CSMD3: variants seen among roughly 807,000 people sequenced by gnomAD.
The protein encoded by CSMD3 is CUB and sushi domain-containing protein 3.
Under a neutral mutation model 435.2 loss-of-function variants are expected in CSMD3, and 177 were observed. The ratio of observed to expected loss-of-function variants is 0.41; its 90% CI spans 0.36 to 0.46. The LOEUF is 0.46. Among genes scored for constraint, CSMD3 ranks in the 20% least tolerant of loss-of-function variants. The pLI is 0.34. For missense variants in CSMD3, 4,265 were observed against 4,504.6 expected (o/e 0.95, Z 1.52); for synonymous variants, 1,656 against 1,520.5 (o/e 1.09, Z -2.07).
At chr8:112,611,136 GCT>G (rs1833224334) in intron 22 of CSMD3, among the ~76,000 whole-genome samples, 1 of 152,144 alleles carries the variant, frequency 6.6e-6, no homozygotes, top group African/African-American at 2.4e-5. Context: ...ACAAATTTTA[GCT>G]CAAGTGTTTG....
At chr8:113,288,287 C>T (rs1006650576) in intron 2 of CSMD3, among the ~76,000 whole-genome samples, 4 of 151,612 alleles carry the variant, frequency 2.6e-5, no homozygotes, top group Non-Finnish European at 5.9e-5. Context: ...TTTCTTCCTG[C>T]AAAAATGGAT....
chr8:112,453,246 G>T (rs1238361916), intron 32 of CSMD3, among the ~76,000 whole-genome samples: 1 of 152,000 alleles, frequency 6.6e-6, no homozygotes, highest in Non-Finnish European at 1.5e-5. Flanking sequence ...ACCCAACACA[G>T]TTCTGAAAGT....
chr8:112,465,139 T>TC (rs909579165), intron 32 of CSMD3, among the ~76,000 whole-genome samples: 2 of 152,122 alleles, frequency 1.3e-5, no homozygotes, highest in Admixed American at 6.5e-5. Flanking sequence ...GGGGTGATTA[T>TC]CCCCACTGTG....
chr8:112,724,270 A>G (rs1239001477), intron 13 of CSMD3, among the ~76,000 whole-genome samples: 3 of 152,036 alleles, frequency 2.0e-5, no homozygotes, highest in Admixed American at 6.6e-5. Context: ...TAAGTGAAGA[A>G]GAGTGAGAAT....
At chr8:112,319,685 T>C (rs144334433) in intron 46 of CSMD3, among the ~76,000 whole-genome samples, 1 of 152,164 alleles carries the variant, frequency 6.6e-6, no homozygotes, top group Non-Finnish European at 1.5e-5. Context: ...CGTTTTCTTA[T>C]TGTACATTCC....
intron 12 of CSMD3, among the ~76,000 whole-genome samples, chr8:112,804,265 T>G (rs1379919369): frequency 6.6e-6 from 1 of 151,982 alleles, no homozygotes; most frequent in Admixed American, 6.6e-5. Flanking sequence ...AAGGACAGAT[T>G]CAAATGTTAG....
rs1005150297 is a variant in CSMD3, at chr8:112,290,164, A to G, written c.8975-626T>C. 4.6e-5 allele frequency among the ~76,000 whole-genome samples: 7 copies of G among 152,102 alleles called. No individual in the cohort carries two copies. The East Asian group carries it at 1.3e-3, about 29-fold the overall frequency. ...TCATAGCAGAATCAAAAGTCAATAC[A>G]TTGTAGAATATTCTTTATGAGTGAT... On this transcript the variant is annotated intron_variant, in intron 56 of 70. Coordinates refer to ENST00000297405, the MANE Select transcript of CSMD3 (RefSeq NM_198123.2).
chr8:112,911,162 A>G (rs1268339712), intron 10 of CSMD3, among the ~76,000 whole-genome samples: 1 of 151,886 alleles, frequency 6.6e-6, no homozygotes, highest in Non-Finnish European at 1.5e-5. Context: ...TACCTAAATT[A>G]CTGAACTAGT....
chr8:112,727,742 T>C lies in CSMD3; in HGVS notation c.1973-37692A>G, dbSNP rs182369697. 2.4e-3 allele frequency among the ~76,000 whole-genome samples: 360 copies of C among 152,016 alleles called. 2 individuals carry two copies. Among genetic ancestry groups the C allele is most frequent in the African/African-American group, 8.2e-3 (341 of 41,556 alleles). On this transcript the variant is annotated intron_variant, in intron 13 of 70. Transcript: ENST00000297405. Reference sequence around the variant, plus strand: ...GATTGATTATTGATCTATTTTATGTTACTTTTTACAATAAGTATATTTTAC... The same window carrying C: ...GATTGATTATTGATCTATTTTATGTCACTTTTTACAATAAGTATATTTTAC...
chr8:113,327,463 C>G lies in CSMD3; in HGVS notation c.179-12670G>C, dbSNP rs1488588034. Among the ~76,000 whole-genome samples the G allele has an allele frequency of 2.0e-5, 3 of 152,180 alleles. No homozygotes were observed. The East Asian group carries it at 5.8e-4, about 29-fold the overall frequency. On this transcript the variant is annotated intron_variant, in intron 1 of 70. Transcript: ENST00000297405. ...TTTTTTTCAAGAAAAACTGCTGAAC[C>G]TTACTAATAATGGCATGGAATATAG...
At chr8:112,659,177 A>G (rs1257098799) in intron 17 of CSMD3, among the ~76,000 whole-genome samples, 3 of 151,734 alleles carry the variant, frequency 2.0e-5, no homozygotes, top group Non-Finnish European at 4.4e-5. Flanking sequence ...ATTGTTCAGT[A>G]CCAGTGAATC....
intron 38 of CSMD3, among the ~76,000 whole-genome samples, chr8:112,375,411 C>A (rs1046187078): frequency 3.3e-5 from 5 of 151,990 alleles, no homozygotes; most frequent in African/African-American, 1.2e-4. Flanking sequence ...ATGTCTTTCC[C>A]GTCAAAGATG....
At chr8:112,248,309 C>T (rs934952661) in intron 63 of CSMD3, among the ~76,000 whole-genome samples, 6 of 151,898 alleles carry the variant, frequency 4.0e-5, no homozygotes, top group Non-Finnish European at 7.4e-5. Context: ...AATTAGTTTC[C>T]GAAGGGTCTC....
At chr8:113,309,756 A>C (rs1047538174) in intron 2 of CSMD3, 6 of 152,234 alleles carry the variant, frequency 3.9e-5, no homozygotes, top group Non-Finnish European at 1.5e-5. Context: ...TATCCAAAAA[A>C]TAAGCTTTGG....
intron 13 of CSMD3, among the ~76,000 whole-genome samples, chr8:112,706,946 CCTGT>C (rs776194155): frequency 4.6e-5 from 7 of 152,074 alleles, no homozygotes; most frequent in African/African-American, 7.2e-5. Flanking sequence ...CCTTACTTAA[CCTGT>C]CTATTTTTTA....
intron 4 of CSMD3, among the ~76,000 whole-genome samples, chr8:113,143,126 C>A (rs1399466248): frequency 6.6e-6 from 1 of 150,674 alleles, no homozygotes; most frequent in Admixed American, 6.7e-5. Context: ...ATAAAACAAA[C>A]CCAAACAATC....
chr8:112,342,993 ATATATATT>A (rs1305942491), intron 41 of CSMD3, among the ~76,000 whole-genome samples: 4 of 26,146 alleles, frequency 1.5e-4, no homozygotes, highest in African/African-American at 2.3e-4. Context: ...ATATTTATAT[ATATATATT>A]TATATATATA....
intron 10 of CSMD3, among the ~76,000 whole-genome samples, chr8:112,876,094 T>C (rs1385828119): frequency 1.3e-5 from 2 of 152,028 alleles, no homozygotes; most frequent in African/African-American, 4.8e-5. Flanking sequence ...TTCTGATGGG[T>C]TCCTGGGCAC....
intron 22 of CSMD3, among the ~76,000 whole-genome samples, chr8:112,600,515 C>T (rs1390458958): frequency 6.6e-6 from 1 of 152,104 alleles, no homozygotes; most frequent in Non-Finnish European, 1.5e-5. Flanking sequence ...TTCCTTCCTC[C>T]TTAAAATACA....
Sources: gnomAD v4.1 joint callset for allele counts (sites outside exome capture counted in the v4.1 genomes callset) on GRCh38, gnomAD v4.1.1 for gene constraint, MANE v1.5 for transcripts, NCBI Gene and HGNC (gene_info 2026-07-23, HGNC 2026-07-21) for gene names.